DLGAP1: variants seen among roughly 807,000 people sequenced by gnomAD.
DLGAP1 encodes the protein DLG associated protein 1.
Under a neutral mutation model 90.8 loss-of-function variants are expected in DLGAP1, and 11 were observed. The ratio of observed to expected loss-of-function variants is 0.12; its 90% confidence interval spans 0.08 to 0.20. The LOEUF (loss-of-function observed/expected upper bound fraction) is 0.20. DLGAP1 is among the 10% of genes least tolerant of loss of function. The pLI is 1.00. For missense variants in DLGAP1, 1,050 were observed against 1,333.8 expected (o/e 0.79, Z 3.31); for synonymous variants, 558 against 540.7 (o/e 1.03, Z -0.44).
chr18:3,904,470 C>A (rs8096184), intron 3 of DLGAP1, among the ~76,000 whole-genome samples: 1,830 of 152,288 alleles, frequency 0.012, 31 homozygotes, highest in African/African-American at 0.042. Context: ...TGGGGTTAAG[C>A]CAAGACAAAA....
intron 3 of DLGAP1, among the ~76,000 whole-genome samples, chr18:3,947,073 A>G (rs1453141044): frequency 1.3e-5 from 2 of 152,082 alleles, no homozygotes; most frequent in African/African-American, 4.8e-5. Context: ...GACTTTCCCA[A>G]TGCTCCACTC....
chr18:4,166,391 AT>A (rs1391214935), intron 1 of DLGAP1, among the ~76,000 whole-genome samples: 1 of 152,184 alleles, frequency 6.6e-6, no homozygotes, highest in Non-Finnish European at 1.5e-5. Flanking sequence ...GTTGACAAGG[AT>A]GTGAAGAAAT....
chr18:4,156,129 A>G (rs1253469162), intron 1 of DLGAP1, among the ~76,000 whole-genome samples: 2 of 152,210 alleles, frequency 1.3e-5, no homozygotes, highest in Non-Finnish European at 1.5e-5. Flanking sequence ...GCTGGAGATG[A>G]GAAAGGCTGA....
At chr18:4,438,633 C>A (rs1455977451) in intron 1 of DLGAP1, among the ~76,000 whole-genome samples, 1 of 151,932 alleles carries the variant, frequency 6.6e-6, no homozygotes, top group African/African-American at 2.4e-5. Context: ...CTGAGAAACA[C>A]AGTTTATCTT....
chr18:3,977,114 G>A (rs902342161), intron 3 of DLGAP1, among the ~76,000 whole-genome samples: 8 of 151,712 alleles, frequency 5.3e-5, no homozygotes, highest in South Asian at 2.1e-4. Flanking sequence ...TCACTCTGTC[G>A]CCCAGGCTAG....
intron 1 of DLGAP1, chr18:4,293,195 T>G (rs953310400): frequency 6.6e-6 from 1 of 152,178 alleles, no homozygotes; most frequent in African/African-American, 2.4e-5. Flanking sequence ...AAAGGTGGGA[T>G]CCGGTTCCAA....
At chr18:3,520,832 C>T (rs977801422) in intron 10 of DLGAP1, among the ~76,000 whole-genome samples, 1 of 152,216 alleles carries the variant, frequency 6.6e-6, no homozygotes, top group Non-Finnish European at 1.5e-5. Context: ...CGTATTTCTT[C>T]TGCTCTCCAT....
intron 1 of DLGAP1, among the ~76,000 whole-genome samples, chr18:4,373,547 TGCACACA>T: frequency 6.6e-6 from 1 of 152,302 alleles, no homozygotes; most frequent in South Asian, 2.1e-4. Context: ...AACATGCATC[TGCACACA>T]CATAAGCACA....
chr18:3,975,307 T>C (rs997389438), intron 3 of DLGAP1, among the ~76,000 whole-genome samples: 3 of 152,144 alleles, frequency 2.0e-5, no homozygotes, highest in Non-Finnish European at 4.4e-5. Context: ...AATGGACCTT[T>C]CTCCAAACAG....
At position 3,729,489 on chromosome 18, in the gene DLGAP1, A is replaced by C. The variant is rs2062334510; in HGVS notation, c.1351-114T>G. 7.2e-7 allele frequency: 1 copy of C among 1,385,284 alleles called. No homozygotes were observed. The highest frequency in any genetic ancestry group is 9.7e-7 in the Non-Finnish European group (1 of 1,028,204). 85.8% of individuals were successfully genotyped at this position (1,385,284 alleles called of 1,614,324 possible). On this transcript the variant is annotated intron_variant, in intron 6 of 12. Coordinates refer to ENST00000315677, the MANE Select transcript of DLGAP1 (RefSeq NM_004746.4). This position sits in a 1 kb window ranked among gnomAD's most constrained non-coding sequence, Gnocchi z 6.2. ...GAAAAAGCAGCGTCTGGTTAGATTAAGCTCAAATGCATTTTATTTCCTTTC... is the reference window on the plus strand; with the variant it reads ...GAAAAAGCAGCGTCTGGTTAGATTACGCTCAAATGCATTTTATTTCCTTTC...
intron 2 of DLGAP1, among the ~76,000 whole-genome samples, chr18:4,090,066 C>A (rs1369459197): frequency 6.6e-6 from 1 of 151,924 alleles, no homozygotes; most frequent in Non-Finnish European, 1.5e-5. Context: ...AGAAACTGGA[C>A]CCCTTCCTTA....
At chr18:3,896,186 A>G (rs1386259707) in intron 3 of DLGAP1, 2 of 152,320 alleles carry the variant, frequency 1.3e-5, no homozygotes, top group East Asian at 1.9e-4. Flanking sequence ...TGGAAGTTAA[A>G]TAACTTGCCC....
intron 2 of DLGAP1, among the ~76,000 whole-genome samples, chr18:4,106,423 G>A (rs570050569): frequency 2.0e-5 from 3 of 152,288 alleles, no homozygotes; most frequent in African/African-American, 7.2e-5. Flanking sequence ...CACATTCCGT[G>A]GGTGTAGGAC....
intron 3 of DLGAP1, among the ~76,000 whole-genome samples, chr18:3,893,005 C>A (rs1337911065): frequency 6.6e-6 from 1 of 151,104 alleles, no homozygotes; most frequent in African/African-American, 2.4e-5. Flanking sequence ...GTGTAGCCAT[C>A]CCCCAAAAAG....
rs769011230 is a variant in DLGAP1 at position 3,557,888 on chromosome 18, T to C, written c.2057+9602A>G. ...GTTGCAGTGAGCCAAGATCACACCA[T>C]TGCACTCCAGCCTGGGGGACAAGAG... On this transcript the variant is annotated intron_variant, in intron 9 of 12. Transcript: ENST00000315677. Among the ~76,000 whole-genome samples the C allele has an allele frequency of 9.3e-5, 14 of 150,540 alleles. 1 individual carries two copies. The highest frequency in any genetic ancestry group is 1.5e-4 in the Non-Finnish European group (10 of 67,614).
At chr18:4,243,937 A>T (rs2145148057) in intron 1 of DLGAP1, among the ~76,000 whole-genome samples, 1 of 152,292 alleles carries the variant, frequency 6.6e-6, no homozygotes, top group African/African-American at 2.4e-5. Flanking sequence ...AATTGTTCAG[A>T]CCTTCAGAAA....
At chr18:4,043,209 T>C (rs1371811297) in intron 2 of DLGAP1, among the ~76,000 whole-genome samples, 8 of 152,228 alleles carry the variant, frequency 5.3e-5, no homozygotes, top group Admixed American at 5.2e-4. Context: ...ATACTCAGTA[T>C]AGGCAAAACA....
chr18:3,690,320 C>A (rs943772400), intron 7 of DLGAP1, among the ~76,000 whole-genome samples: 1 of 151,930 alleles, frequency 6.6e-6, no homozygotes, highest in African/African-American at 2.4e-5. Flanking sequence ...TTCCTGGGCT[C>A]AAGCGATCTG....
Position 3,534,610 on chromosome 18 carries a change from C to T in DLGAP1, c.2063G>A (p.Arg688His), listed in dbSNP as rs202171434. ...CACACTGTTGGATCGAGTGAACCTG[C>T]GGAAGCTTGGGAGAATAGAAAAAAG... Reference protein sequence around the residue: ...GVQVEEEKCFRRFTRSNSVTT... With the variant: ...GVQVEEEKCFHRFTRSNSVTT... The change falls in exon 10 of 13, where the codon CGC (arginine) becomes CAC (histidine). Residue 688 changes from arginine (R) to histidine (H), a missense_variant. Transcript: ENST00000315677. 2.3e-5 allele frequency: 35 copies of T among 1,554,148 alleles called. No individual in the cohort carries two copies. Among genetic ancestry groups the T allele is most frequent in the African/African-American group, 2.8e-5 (2 of 72,492 alleles).
Sources: gnomAD v4.1 joint callset for allele counts (sites outside exome capture counted in the v4.1 genomes callset) on GRCh38, gnomAD v4.1.1 for gene constraint, Gnocchi (gnomAD v3.1) non-coding constraint, MANE v1.5 for transcripts, NCBI Gene and HGNC (gene_info 2026-07-23, HGNC 2026-07-21) for gene names.